The following NELL1 variants were observed in gnomAD, a reference collection of about 807,000 sequenced individuals.
NELL1 encodes protein kinase C-binding protein NELL1.
In NELL1, 76 loss-of-function variants were observed where a neutral mutation model predicts 107.4. That is an observed-to-expected ratio of 0.71 (90% CI 0.59 to 0.86). NELL1 has a LOEUF of 0.86. Among genes scored for constraint, NELL1 ranks in the 40% least tolerant of loss-of-function variants. NELL1 has a pLI of 0.00. For synonymous variants in NELL1, 353 were observed against 341.2 expected, an observed-to-expected ratio of 1.03 and a Z score of -0.38; for missense variants, 1,024 against 1,005.5, an observed-to-expected ratio of 1.02 and a Z score of -0.25.
chr11:21,448,677 T>G (rs1853506230), intron 15 of NELL1, among the ~76,000 whole-genome samples: 1 of 152,180 alleles, frequency 6.6e-6, no homozygotes. Context: ...GATGAAAATA[T>G]CAAGCAATCC....
At chr11:21,013,739 G>A (rs1398129478) in intron 12 of NELL1, among the ~76,000 whole-genome samples, 3 of 152,058 alleles carry the variant, frequency 2.0e-5, no homozygotes, top group Admixed American at 6.6e-5. Flanking sequence ...TTAATACACT[G>A]TGTTTAACTA....
At chr11:21,241,791 C>G (rs139883409) in intron 14 of NELL1, among the ~76,000 whole-genome samples, 108 of 151,738 alleles carry the variant, frequency 7.1e-4, no homozygotes, top group East Asian at 5.4e-3. Flanking sequence ...GCATGCCACT[C>G]TGTTTGCTTT....
At chr11:21,380,848 G>C (rs2133768089) in intron 15 of NELL1, among the ~76,000 whole-genome samples, 1 of 152,124 alleles carries the variant, frequency 6.6e-6, no homozygotes, top group East Asian at 1.9e-4. Context: ...ATGCAGTCTA[G>C]TATACTGAAA....
intron 2 of NELL1, among the ~76,000 whole-genome samples, chr11:20,768,032 G>C (rs567502990): frequency 6.6e-6 from 1 of 152,158 alleles, no homozygotes; most frequent in Non-Finnish European, 1.5e-5. Flanking sequence ...CAGAGGTGAC[G>C]TTTGAGCTGA....
At position 20,892,901 on chromosome 11, in the gene NELL1, C is replaced by T. The variant is rs774278737; in HGVS notation, c.603+7361C>T. On this transcript the variant is annotated intron_variant, in intron 5 of 19. Transcript: ENST00000357134. Reference sequence around the variant, plus strand: ...CTGAGATTGTGCCATTGTACTCCAGCCTGGGTGACAGAGAGAGACTGTGTC... The same window carrying T: ...CTGAGATTGTGCCATTGTACTCCAGTCTGGGTGACAGAGAGAGACTGTGTC... 6.7e-4 allele frequency among the ~76,000 whole-genome samples: 98 copies of T among 147,262 alleles called. 1 individual carries two copies. The highest frequency in any genetic ancestry group is 1.3e-3 in the Non-Finnish European group (90 of 67,510).
intron 14 of NELL1, among the ~76,000 whole-genome samples, chr11:21,305,798 T>C (rs1233213799): frequency 6.6e-6 from 1 of 151,996 alleles, no homozygotes; most frequent in Non-Finnish European, 1.5e-5. Flanking sequence ...TATTATTCTA[T>C]TTTGAACAAT....
At chr11:21,163,560 T>A (rs1210025149) in intron 13 of NELL1, among the ~76,000 whole-genome samples, 1 of 152,178 alleles carries the variant, frequency 6.6e-6, no homozygotes, top group Non-Finnish European at 1.5e-5. Flanking sequence ...GGGAGGTACT[T>A]AAGGTTAAAT....
chr11:21,191,872 T>C (rs1040304342), intron 13 of NELL1, among the ~76,000 whole-genome samples: 1 of 151,968 alleles, frequency 6.6e-6, no homozygotes, highest in Non-Finnish European at 1.5e-5. Context: ...TTTTATATTT[T>C]AACTAAAGCA....
intron 2 of NELL1, among the ~76,000 whole-genome samples, chr11:20,695,989 C>A (rs970261694): frequency 4.0e-5 from 6 of 151,876 alleles, no homozygotes; most frequent in African/African-American, 1.2e-4. Context: ...GGTTCAATTC[C>A]TTCTTGGTTC....
At chr11:21,274,665 C>T (rs1468549317) in intron 14 of NELL1, among the ~76,000 whole-genome samples, 12 of 152,256 alleles carry the variant, frequency 7.9e-5, no homozygotes, top group African/African-American at 2.9e-4. Context: ...CACTCCTCAG[C>T]GAATGTAAAA....
chr11:21,112,810 A>G (rs932139570), intron 12 of NELL1, among the ~76,000 whole-genome samples: 3 of 152,034 alleles, frequency 2.0e-5, no homozygotes, highest in African/African-American at 7.2e-5. Context: ...TGATGTACTC[A>G]TGTCCTTCTT....
intron 12 of NELL1, among the ~76,000 whole-genome samples, chr11:20,981,653 T>G (rs1486160393): frequency 9.9e-5 from 15 of 152,192 alleles, no homozygotes; most frequent in Admixed American, 4.6e-4. Context: ...CTAAAACATT[T>G]GCCTTGGCCC....
At chr11:21,462,674 T>C (rs1853927949) in intron 15 of NELL1, among the ~76,000 whole-genome samples, 1 of 152,074 alleles carries the variant, frequency 6.6e-6, no homozygotes, top group South Asian at 2.1e-4. Context: ...TGAACCCTTG[T>C]TCATCCTGCA....
At chr11:20,953,284 C>T (rs533281669) in intron 11 of NELL1, among the ~76,000 whole-genome samples, 1 of 152,272 alleles carries the variant, frequency 6.6e-6, no homozygotes, top group Admixed American at 6.5e-5. Flanking sequence ...GGTAACCTGC[C>T]TGACCTGCTG....
At chr11:20,850,477 T>A (rs1848776062) in intron 4 of NELL1, among the ~76,000 whole-genome samples, 1 of 152,222 alleles carries the variant, frequency 6.6e-6, no homozygotes, top group Non-Finnish European at 1.5e-5. Flanking sequence ...ATTCTATTAG[T>A]TTTTCCTCTT....
At chr11:21,306,166 A>G (rs2133634213) in intron 14 of NELL1, among the ~76,000 whole-genome samples, 1 of 152,108 alleles carries the variant, frequency 6.6e-6, no homozygotes, top group Non-Finnish European at 1.5e-5. Flanking sequence ...TCATTTGGAT[A>G]TCACACTCAG....
chr11:20,743,353 A>G (rs1855934646), intron 2 of NELL1, among the ~76,000 whole-genome samples: 1 of 146,280 alleles, frequency 6.8e-6, no homozygotes, highest in African/African-American at 2.6e-5. Flanking sequence ...ACTCTGTCTT[A>G]AAAAAAAAAA....
intron 2 of NELL1, among the ~76,000 whole-genome samples, chr11:20,702,018 T>C (rs1483056595): frequency 1.3e-5 from 2 of 152,208 alleles, no homozygotes; most frequent in African/African-American, 2.4e-5. Flanking sequence ...ATATGAACTT[T>C]AAAGTAGTTT....
At chr11:20,941,823 G>T (rs1408277170) in intron 10 of NELL1, among the ~76,000 whole-genome samples, 1 of 152,090 alleles carries the variant, frequency 6.6e-6, no homozygotes, top group East Asian at 1.9e-4. Context: ...AAGGGGAAGG[G>T]TATAGTCCTA....
Sources: gnomAD v4.1 joint callset for allele counts (sites outside exome capture counted in the v4.1 genomes callset) on GRCh38, gnomAD v4.1.1 for gene constraint, MANE v1.5 for transcripts, NCBI Gene and HGNC (gene_info 2026-07-23, HGNC 2026-07-21) for gene names.